Variants in NXPE2 observed in about 807,000 individuals in gnomAD.
NXPE2 encodes the protein neurexophilin and PC-esterase domain family member 2.
NXPE2 carries 34 observed loss-of-function variants against 34.4 expected under a neutral mutation model. The observed-to-expected ratio is 0.99, with a 90% confidence interval of 0.75 to 1.31. NXPE2 has a LOEUF of 1.31. Among genes scored for constraint, NXPE2 ranks in the 40% most tolerant of loss-of-function variants. NXPE2 has a pLI of 0.00. For missense variants in NXPE2, 649 were observed against 672.5 expected, an observed-to-expected ratio of 0.97 and a Z score of 0.39; for synonymous variants, 235 against 231.3, an observed-to-expected ratio of 1.02 and a Z score of -0.15.
chr11:114,761,232 C>G, the NXPE2 span, among the ~76,000 whole-genome samples: 2 of 152,292 alleles, frequency 1.3e-5, no homozygotes, highest in East Asian at 3.9e-4. Context: ...AATATGAAAA[C>G]TAAGCTATTT....
At chr11:114,493,890 C>T in the NXPE2 span, among the ~76,000 whole-genome samples, 1 of 151,936 alleles carries the variant, frequency 6.6e-6, no homozygotes, top group Non-Finnish European at 1.5e-5. Context: ...TAGAAAAGGT[C>T]TGGTATTGAT....
chr11:114,694,688 C>T (rs1951215141), intron 2 of NXPE2, among the ~76,000 whole-genome samples: 1 of 152,076 alleles, frequency 6.6e-6, no homozygotes, highest in African/African-American at 2.4e-5. Context: ...TTCAAGCTCT[C>T]TTATTTTTCA....
At chr11:114,543,519 T>TA in the NXPE2 span, among the ~76,000 whole-genome samples, 26 of 147,012 alleles carry the variant, frequency 1.8e-4, no homozygotes, top group South Asian at 6.4e-4. Flanking sequence ...AGACCCTGTT[T>TA]AAAAAAAAAA....
the NXPE2 span, among the ~76,000 whole-genome samples, chr11:114,608,835 GATA>G: frequency 2.0e-5 from 3 of 151,998 alleles, no homozygotes; most frequent in African/African-American, 7.2e-5. Context: ...TTACCTGGTG[GATA>G]ATAAGTGTTG....
At chr11:114,469,483 G>A in the NXPE2 span, among the ~76,000 whole-genome samples, 14 of 151,944 alleles carry the variant, frequency 9.2e-5, no homozygotes, top group Non-Finnish European at 1.6e-4. Flanking sequence ...CAAATTTGAA[G>A]TATAAAATTT....
chr11:114,586,086 G>T, the NXPE2 span, among the ~76,000 whole-genome samples: 1 of 152,064 alleles, frequency 6.6e-6, no homozygotes, highest in Non-Finnish European at 1.5e-5. Context: ...GTTACACCTG[G>T]GGTGACCAAT....
the NXPE2 span, among the ~76,000 whole-genome samples, chr11:114,545,447 GAGAA>G: frequency 1.3e-5 from 2 of 152,136 alleles, no homozygotes; most frequent in Non-Finnish European, 2.9e-5. Flanking sequence ...ATAATGCTAA[GAGAA>G]AGAAGCCCAT....
At chr11:114,740,532 C>T in the NXPE2 span, among the ~76,000 whole-genome samples, 1 of 152,056 alleles carries the variant, frequency 6.6e-6, no homozygotes, top group Non-Finnish European at 1.5e-5. Context: ...ATTTTTTGAG[C>T]ACTCTCTATG....
At chr11:114,510,319 G>A in the NXPE2 span, among the ~76,000 whole-genome samples, 11 of 152,044 alleles carry the variant, frequency 7.2e-5, no homozygotes, top group Admixed American at 1.3e-4. Flanking sequence ...CTGCAGCCTC[G>A]AACTCCTAGG....
chr11:114,495,728 A>G, the NXPE2 span, among the ~76,000 whole-genome samples: 1 of 152,126 alleles, frequency 6.6e-6, no homozygotes, highest in Non-Finnish European at 1.5e-5. Context: ...TTAGTAGACG[A>G]TGAATTTCAC....
the NXPE2 span, chr11:114,583,556 G>A: frequency 1.7e-6 from 1 of 597,346 alleles, no homozygotes; most frequent in Non-Finnish European, 3.3e-6. Flanking sequence ...GGACTGTCCA[G>A]CATTTGATGG....
chr11:114,580,695 C>G, the NXPE2 span, among the ~76,000 whole-genome samples: 1 of 152,178 alleles, frequency 6.6e-6, no homozygotes, highest in Non-Finnish European at 1.5e-5. Context: ...TTTTAGCTCA[C>G]TTTACCCCTA....
chr11:114,745,375 T>A, the NXPE2 span, among the ~76,000 whole-genome samples: 3 of 152,250 alleles, frequency 2.0e-5, no homozygotes, highest in South Asian at 2.1e-4. Flanking sequence ...GCAGAGGAGA[T>A]GCCAGGTTAT....
the NXPE2 span, among the ~76,000 whole-genome samples, chr11:114,786,368 G>A: frequency 8.0e-5 from 8 of 99,646 alleles, no homozygotes; most frequent in Admixed American, 3.5e-4. Context: ...CCCGCCCCCC[G>A]CCCCACCCCA....
At chr11:114,622,385 T>A in the NXPE2 span, among the ~76,000 whole-genome samples, 35 of 151,652 alleles carry the variant, frequency 2.3e-4, no homozygotes, top group Admixed American at 9.8e-4. Context: ...GGATAATAAG[T>A]ATTTCTTGTG....
chr11:114,535,099 G>A, the NXPE2 span, among the ~76,000 whole-genome samples: 790 of 152,306 alleles, frequency 5.2e-3, 7 homozygotes, highest in African/African-American at 0.018. Context: ...GAAACTCTAC[G>A]AGCCAGAAGA....
At position 114,705,930 on chromosome 11, in the gene NXPE2, C is replaced by G. The variant is rs1951464323; in HGVS notation, c.1078C>G (p.Leu360Val). Residue 360 changes from leucine to valine, a missense_variant, in exon 5 of 6, where the codon CTT becomes GTT. By Grantham distance (32) the Leu-to-Val change is conservative. Coordinates refer to ENST00000389586, the MANE Select transcript of NXPE2 (RefSeq NM_182495.6). ...KNINDCLERK[L>V]IYLMGDSTLH... Reference sequence around the variant, plus strand: ...TATAAATGACTGCTTGGAAAGAAAACTTATTTATCTCATGGGAGATTCAAC... The same window carrying G: ...TATAAATGACTGCTTGGAAAGAAAAGTTATTTATCTCATGGGAGATTCAAC... 2 of 1,540,500 alleles carry G rather than the reference C, an allele frequency of 1.3e-6. No homozygotes were observed. Among genetic ancestry groups the G allele is most frequent in the Non-Finnish European group, 1.8e-6 (2 of 1,142,516 alleles).
chr11:114,588,094 C>A, the NXPE2 span, among the ~76,000 whole-genome samples: 3 of 152,100 alleles, frequency 2.0e-5, no homozygotes, highest in African/African-American at 7.2e-5. Context: ...CAGGAGGGCC[C>A]AAAGGGAATG....
chr11:114,668,991 T>C, the NXPE2 span, among the ~76,000 whole-genome samples: 1 of 152,096 alleles, frequency 6.6e-6, no homozygotes, highest in Admixed American at 6.6e-5. Context: ...CACTCCCAGC[T>C]CTATAGAGTG....
Sources: allele counts gnomAD v4.1 joint callset (sites outside exome capture counted in the v4.1 genomes callset), GRCh38; gene constraint gnomAD v4.1.1; transcripts MANE v1.5; gene names NCBI Gene and HGNC (gene_info 2026-07-23, HGNC 2026-07-21).